Variants in MIB1 observed in about 807,000 individuals in gnomAD.
MIB1 encodes the protein E3 ubiquitin-protein ligase MIB1.
A neutral mutation model predicts 124.5 loss-of-function variants in MIB1; 278 were observed. That is an observed-to-expected ratio of 2.23 (90% CI 2.02 to 2.47). MIB1 has a LOEUF of 2.47. MIB1 is among the 30% of genes most tolerant of loss of function. The probability of loss-of-function intolerance (pLI) is 0.00; values close to 1 mark genes in which losing one functional copy is unlikely to be tolerated. For synonymous variants in MIB1, 446 were observed against 429.4 expected (o/e 1.04, Z -0.48); for missense variants, 957 against 1,254.4 (o/e 0.76, Z 3.58).
Position 21,868,800 on chromosome 18 carries a change from T to A in MIB1, c.*4134T>A, listed in dbSNP as rs1454133953. ...TGATAGTTGTACTTCTTTAAAACAT[T>A]AAATTTGAGGAAACTTTAATGCTGT... On this transcript the variant is annotated 3_prime_UTR_variant, in exon 21 of 21. Coordinates refer to ENST00000261537, the MANE Select transcript of MIB1 (RefSeq NM_020774.4). 6.6e-6 allele frequency: 1 copy of A among 152,472 alleles called. No homozygotes were observed. The highest frequency in any genetic ancestry group is 2.4e-5 in the African/African-American group (1 of 41,462). The allele number at this position is 152,472 out of a possible 1,614,324, so 9.4% of individuals were successfully genotyped here. A position where few individuals can be genotyped will look rare whatever the true frequency, so the allele number is the denominator to read the frequency against.
rs2041312795 is a variant in MIB1, at chr18:21,778,097, T to TC, written c.637-5dup. On this transcript the variant is annotated splice_polypyrimidine_tract_variant and splice_region_variant and intron_variant, in intron 4 of 20. Coordinates refer to ENST00000261537, the MANE Select transcript of MIB1 (RefSeq NM_020774.4). ...GGGTGATTTTTCTGGTTTCTTTTCT[T>TC]CTTAGTCTGATCTGAAATGTGTCCA... The TC allele has an allele frequency of 5.6e-6, 9 of 1,608,766 alleles. No individual in the cohort carries two copies. The highest frequency in any genetic ancestry group is 7.7e-6 in the Non-Finnish European group (9 of 1,175,620).
At chr18:21,785,212 C>G (rs370874894) in intron 6 of MIB1, among the ~76,000 whole-genome samples, 1 of 152,008 alleles carries the variant, frequency 6.6e-6, no homozygotes, top group African/African-American at 2.4e-5. Flanking sequence ...GACTCACACT[C>G]CTTACCCTGC....
chr18:21,851,946 A>G (rs1043574304), intron 17 of MIB1, among the ~76,000 whole-genome samples: 10 of 152,170 alleles, frequency 6.6e-5, no homozygotes, highest in African/African-American at 2.4e-4. Context: ...TTCAGAAACA[A>G]TTCAGACAAA....
rs2040715052 is a variant in MIB1 at position 21,721,315 on chromosome 18, G to A, written n.167+16192G>A. Reference sequence around the variant, plus strand: ...CCTGCCTCAGCCTCCTAAGTAGCTGGGATTACAAGCATACACCGCCACGCC... The same window carrying A: ...CCTGCCTCAGCCTCCTAAGTAGCTGAGATTACAAGCATACACCGCCACGCC... On this transcript the variant is annotated intron_variant and non_coding_transcript_variant, in intron 1 of 20. Coordinates refer to the MIB1 transcript ENST00000578646. Among the ~76,000 whole-genome samples the A allele has an allele frequency of 2.7e-5, 4 of 150,722 alleles. No individual in the cohort carries two copies. In the Admixed American group the frequency reaches 2.7e-4, roughly 10 times the overall value.
chr18:21,768,478 TC>T (rs1437297648), intron 2 of MIB1, 144 bp from the exon 3 acceptor site: 2 of 493,248 alleles, frequency 4.1e-6, no homozygotes, highest in Non-Finnish European at 6.9e-6. Context: ...TAAAAGGTAT[TC>T]CTGTATCATG....
intron 1 of MIB1, among the ~76,000 whole-genome samples, chr18:21,751,113 G>A (rs1020130919): frequency 2.6e-5 from 4 of 151,912 alleles, no homozygotes; most frequent in African/African-American, 9.7e-5. Context: ...GAGGCAGGAG[G>A]ATCAGTTGAG....
chr18:21,715,053 G>A (rs2040683395), intron 1 of MIB1, among the ~76,000 whole-genome samples: 1 of 152,158 alleles, frequency 6.6e-6, no homozygotes, highest in Admixed American at 6.5e-5. Flanking sequence ...ACCTACTCCA[G>A]GAATAAATCA....
chr18:21,838,221 A>G lies in MIB1; in HGVS notation c.1830-144A>G, dbSNP rs187794088. ...AAAAAAAATTAAATTAAAGCTGCACATTTGAGATTAGAAAAGTAGAATTTC... is the reference window on the plus strand; with the variant it reads ...AAAAAAAATTAAATTAAAGCTGCACGTTTGAGATTAGAAAAGTAGAATTTC... On this transcript the variant is annotated intron_variant, in intron 12 of 20. Transcript: ENST00000261537. The G allele has an allele frequency of 4.5e-4, 265 of 583,492 alleles. 4 individuals carry two copies. The East Asian group carries it at 6.8e-3, about 15-fold the overall frequency. The allele number at this position is 583,492 out of a possible 1,614,324, so 36.1% of individuals were successfully genotyped here.
intron 12 of MIB1, among the ~76,000 whole-genome samples, chr18:21,832,911 T>C (rs1159989410): frequency 3.3e-5 from 5 of 152,218 alleles, no homozygotes; most frequent in African/African-American, 1.2e-4. Flanking sequence ...AAGTACTTAT[T>C]TTTTAAGCAA....
intron 1 of MIB1, among the ~76,000 whole-genome samples, chr18:21,735,310 T>C (rs1376666933): frequency 6.6e-6 from 1 of 152,166 alleles, no homozygotes. Context: ...TGAGAGACTG[T>C]ACTGGGAGGA....
intron 1 of MIB1, among the ~76,000 whole-genome samples, chr18:21,755,676 T>C (rs2041024074): frequency 6.6e-6 from 1 of 152,200 alleles, no homozygotes; most frequent in South Asian, 2.1e-4. Context: ...GTATTTAAAT[T>C]AGTGGAGGAG....
chr18:21,849,094 A>G, intron 16 of MIB1, 102 bp from the exon 17 acceptor site: 2 of 719,728 alleles, frequency 2.8e-6, no homozygotes, highest in Non-Finnish European at 4.4e-6. Context: ...TAATATGACT[A>G]GTTTTTATGT....
chr18:21,770,896 CT>C (rs995741086), intron 3 of MIB1, among the ~76,000 whole-genome samples: 11 of 152,224 alleles, frequency 7.2e-5, no homozygotes, highest in African/African-American at 2.4e-4. Flanking sequence ...TATTCTTTAA[CT>C]TCTTTAACTT....
chr18:21,810,529 C>T (rs897015736), intron 10 of MIB1, among the ~76,000 whole-genome samples: 3 of 151,902 alleles, frequency 2.0e-5, no homozygotes, highest in African/African-American at 7.3e-5. Flanking sequence ...GTATTACTAA[C>T]ATAAGGGTGG....
In MIB1 at chr18:21,765,954, C is replaced by T. The variant is rs1266215223; in HGVS notation, c.401+11C>T. On this transcript the variant is annotated intron_variant, in intron 2 of 20. Transcript: ENST00000261537. ...ACCGGGAAGTGAGAGGTAGGGAGAA[C>T]CCTTTTCTTCTTCAACCGAGGGTTT... 6.2e-7 allele frequency: 1 copy of T among 1,612,872 alleles called. No homozygotes were observed. Among genetic ancestry groups the T allele is most frequent in the Non-Finnish European group, 8.5e-7 (1 of 1,179,266 alleles).
intron 12 of MIB1, chr18:21,827,584 C>T (rs1036981911): frequency 1.3e-5 from 2 of 151,910 alleles, no homozygotes; most frequent in African/African-American, 4.8e-5. Context: ...GGTAAACTTA[C>T]CAAATAGAAC....
At chr18:21,730,135 C>A (rs914645223) in intron 1 of MIB1, among the ~76,000 whole-genome samples, 8 of 152,184 alleles carry the variant, frequency 5.3e-5, no homozygotes, top group Non-Finnish European at 1.2e-4. Context: ...ATTTGTGCCA[C>A]CATGAAGCTT....
At chr18:21,732,449 T>G (rs987848276) in intron 1 of MIB1, among the ~76,000 whole-genome samples, 2 of 147,662 alleles carry the variant, frequency 1.4e-5, no homozygotes, top group Admixed American at 6.8e-5. Context: ...CAGTCCAGAG[T>G]GCAGTAGCAT....
intron 6 of MIB1, among the ~76,000 whole-genome samples, chr18:21,786,960 C>G (rs1183564891): frequency 6.6e-6 from 1 of 151,358 alleles, no homozygotes; most frequent in Non-Finnish European, 1.5e-5. Context: ...TTTGCTTTGT[C>G]CATTGGCTTC....
Sources: gnomAD v4.1 joint callset for allele counts (sites outside exome capture counted in the v4.1 genomes callset) on GRCh38, gnomAD v4.1.1 for gene constraint, MANE v1.5 for transcripts, NCBI Gene and HGNC (gene_info 2026-07-23, HGNC 2026-07-21) for gene names.